Variants in CIMAP1D observed in about 807,000 individuals in gnomAD.
CIMAP1D encodes the protein protein CIMAP1D.
chr19:488,736 C>G, the CIMAP1D span, among the ~76,000 whole-genome samples: 9 of 152,006 alleles, frequency 5.9e-5, no homozygotes, highest in African/African-American at 1.7e-4. Flanking sequence ...CGCAGCGAGC[C>G]CAGCGCCGGG....
the CIMAP1D span, among the ~76,000 whole-genome samples, chr19:488,395 G>A: frequency 1.3e-5 from 2 of 152,142 alleles, no homozygotes; most frequent in East Asian, 1.9e-4. Flanking sequence ...GGTGGCAGGC[G>A]CCTGTAGTCC....
At chr19:488,521 C>CA in the CIMAP1D span, among the ~76,000 whole-genome samples, 13 of 152,302 alleles carry the variant, frequency 8.5e-5, no homozygotes, top group South Asian at 8.3e-4. Context: ...GACTCCGTCT[C>CA]AAAAAAATAA....
chr19:473,812 G>A, the CIMAP1D span, among the ~76,000 whole-genome samples: 701 of 103,086 alleles, frequency 6.8e-3, no homozygotes, highest in African/African-American at 0.025. Flanking sequence ...AGAGATACAC[G>A]GTCACAGATG....
At chr19:474,329 C>T in the CIMAP1D span, among the ~76,000 whole-genome samples, 3 of 152,244 alleles carry the variant, frequency 2.0e-5, no homozygotes, top group Non-Finnish European at 2.9e-5. Flanking sequence ...CCCTCCTCCC[C>T]GCGTCTCCCG....
the CIMAP1D span, among the ~76,000 whole-genome samples, chr19:471,439 C>T: frequency 8.6e-5 from 13 of 150,636 alleles, no homozygotes; most frequent in African/African-American, 2.9e-4. Context: ...TGAGCCACTG[C>T]GCCCGGCCCT....
At chr19:468,344 C>T in the CIMAP1D span, among the ~76,000 whole-genome samples, 94 of 151,792 alleles carry the variant, frequency 6.2e-4, 1 homozygote, top group East Asian at 0.016. Flanking sequence ...CCAGCCTGGG[C>T]GACGGAGCAA....
At chr19:491,404 G>C in the CIMAP1D span, among the ~76,000 whole-genome samples, 2 of 152,224 alleles carry the variant, frequency 1.3e-5, no homozygotes, top group Admixed American at 6.5e-5. Context: ...CTCTCGACGC[G>C]ACGCCGTGTG....
the CIMAP1D span, among the ~76,000 whole-genome samples, chr19:472,777 G>A: frequency 5.2e-3 from 783 of 151,690 alleles, 11 homozygotes; most frequent in African/African-American, 0.018. Flanking sequence ...AGAGATACAC[G>A]GTCACAGGTG....
At chr19:477,382 T>G in the CIMAP1D span, among the ~76,000 whole-genome samples, 3 of 152,046 alleles carry the variant, frequency 2.0e-5, no homozygotes, top group African/African-American at 7.2e-5. Context: ...GAGACCAGCC[T>G]GGCCACCATG....
the CIMAP1D span, chr19:490,053 A>G: frequency 2.5e-6 from 1 of 398,498 alleles, no homozygotes; most frequent in Non-Finnish European, 4.4e-6. Flanking sequence ...AGTAAAATAA[A>G]TCGTATGAAA....
chr19:472,727 C>T, the CIMAP1D span: 2 of 515,044 alleles, frequency 3.9e-6, no homozygotes, highest in East Asian at 3.4e-5. Context: ...GCCCCCCTCA[C>T]CCTGGGGCAC....
At chr19:463,644 C>T in the CIMAP1D span, 2 of 775,394 alleles carry the variant, frequency 2.6e-6, no homozygotes, top group Non-Finnish European at 4.0e-6. Flanking sequence ...GGAGACTCAC[C>T]CTGCACCCTG....
At chr19:464,311 C>G in the CIMAP1D span, 2 of 1,540,672 alleles carry the variant, frequency 1.3e-6, no homozygotes, top group African/African-American at 1.4e-5. Context: ...CGATGGCGCA[C>G]AGGGGGCACC....
the CIMAP1D span, among the ~76,000 whole-genome samples, chr19:478,740 G>A: frequency 5.1e-3 from 771 of 152,404 alleles, 6 homozygotes; most frequent in African/African-American, 0.018. Flanking sequence ...AGAGGCCGGA[G>A]GCCGGCCCTA....
the CIMAP1D span, among the ~76,000 whole-genome samples, chr19:470,628 T>G: frequency 6.6e-6 from 1 of 152,166 alleles, no homozygotes; most frequent in Non-Finnish European, 1.5e-5. Flanking sequence ...TTGCTCATTC[T>G]GAAGGCTGAG....
At chr19:489,053 G>C in the CIMAP1D span, 1 of 152,064 alleles carries the variant, frequency 6.6e-6, no homozygotes, top group Non-Finnish European at 1.5e-5. Flanking sequence ...TGGGCCACAC[G>C]CCCCGGCGCC....
the CIMAP1D span, among the ~76,000 whole-genome samples, chr19:478,503 A>G: frequency 5.4e-4 from 83 of 152,374 alleles, no homozygotes; most frequent in African/African-American, 1.9e-3. Context: ...GCCTCGCCAG[A>G]ACGAGCTGGG....
the CIMAP1D span, chr19:464,284 T>A: frequency 6.5e-7 from 1 of 1,540,872 alleles, no homozygotes; most frequent in South Asian, 1.2e-5. Context: ...CAGCCCAGGG[T>A]GAAAGCCGGC....
the CIMAP1D span, among the ~76,000 whole-genome samples, chr19:476,094 G>A: frequency 6.8e-6 from 1 of 147,738 alleles, no homozygotes; most frequent in African/African-American, 2.5e-5. Context: ...CGCCTCCAGG[G>A]TTCAAGAAAT....
Sources: gnomAD v4.1 joint callset for allele counts (sites outside exome capture counted in the v4.1 genomes callset) on GRCh38, gnomAD v4.1.1 for gene constraint, MANE v1.5 for transcripts, NCBI Gene and HGNC (gene_info 2026-07-23, HGNC 2026-07-21) for gene names.